Variants in PRKG1 observed in about 807,000 individuals in gnomAD.
PRKG1 encodes the protein protein kinase cGMP-dependent 1.
In PRKG1, 35 loss-of-function variants were observed where a neutral mutation model predicts 88.1. That is an observed-to-expected ratio of 0.40 (90% CI 0.30 to 0.53). The LOEUF is 0.53. Among genes scored for constraint, PRKG1 ranks in the 20% least tolerant of loss-of-function variants. The pLI is 0.59. For missense variants in PRKG1, 540 were observed against 839.8 expected (o/e 0.64, Z 4.41); for synonymous variants, 303 against 292.5 (o/e 1.04, Z -0.37).
At chr10:51,181,312 G>A (rs1837338728) in intron 2 of PRKG1, among the ~76,000 whole-genome samples, 1 of 138,014 alleles carries the variant, frequency 7.2e-6, no homozygotes. Flanking sequence ...CGCAATCTCG[G>A]CTCACTGCAA....
At chr10:51,603,431 G>A (rs1838669577) in intron 3 of PRKG1, among the ~76,000 whole-genome samples, 1 of 152,168 alleles carries the variant, frequency 6.6e-6, no homozygotes, top group Non-Finnish European at 1.5e-5. Flanking sequence ...AAGAACCAAG[G>A]AAGAAGGAAT....
At chr10:51,199,495 G>A (rs1904672) in intron 2 of PRKG1, among the ~76,000 whole-genome samples, 5,285 of 152,198 alleles carry the variant, frequency 0.035, 300 homozygotes, top group African/African-American at 0.12. Flanking sequence ...GAGTGTGGCC[G>A]ATTTCTTCTC....
chr10:51,405,839 G>A (rs58646770), intron 2 of PRKG1, among the ~76,000 whole-genome samples: 2,976 of 152,304 alleles, frequency 0.02, 73 homozygotes, highest in Middle Eastern at 0.058. Context: ...TGCATAAGCC[G>A]TAGGGAGATA....
At position 51,606,725 on chromosome 10, in the gene PRKG1, C is replaced by T. The variant is rs182109172; in HGVS notation, c.592+138889C>T. On this transcript the variant is annotated intron_variant, in intron 3 of 17. Transcript: ENST00000373980. ...GGAGATGTTTTATTTTGGTAAAGCG[C>T]GTCTTCTATCATCATTTCTTAAATG... Among the ~76,000 whole-genome samples, 24 of 152,218 alleles carry T rather than the reference C, an allele frequency of 1.6e-4. No individual in the cohort carries two copies. In the South Asian group the frequency reaches 1.9e-3, roughly 12 times the overall value.
chr10:51,032,081 A>C (rs552896550), intron 1 of PRKG1, among the ~76,000 whole-genome samples: 1 of 152,296 alleles, frequency 6.6e-6, no homozygotes, highest in South Asian at 2.1e-4. Flanking sequence ...TTTCTTGGGA[A>C]ATCTTCCAGC....
At chr10:51,268,360 G>A (rs1285916365) in intron 2 of PRKG1, among the ~76,000 whole-genome samples, 2 of 152,096 alleles carry the variant, frequency 1.3e-5, no homozygotes, top group Non-Finnish European at 2.9e-5. Flanking sequence ...TAATAAGCCT[G>A]GGAGTGCTAT....
intron 3 of PRKG1, among the ~76,000 whole-genome samples, chr10:51,751,093 C>T (rs1006336721): frequency 6.6e-6 from 1 of 152,080 alleles, no homozygotes; most frequent in African/African-American, 2.4e-5. Context: ...TGTCCTTTTC[C>T]CTCCCCAACC....
chr10:51,388,519 A>G (rs1407507499), intron 2 of PRKG1, among the ~76,000 whole-genome samples: 1 of 152,210 alleles, frequency 6.6e-6, no homozygotes, highest in African/African-American at 2.4e-5. Context: ...CAAAGGCCCT[A>G]TGAATATGAG....
At chr10:50,999,246 G>A (rs1360688362) in intron 1 of PRKG1, among the ~76,000 whole-genome samples, 1 of 152,092 alleles carries the variant, frequency 6.6e-6, no homozygotes, top group Non-Finnish European at 1.5e-5. Flanking sequence ...TGTTATTCAA[G>A]GATTTGATTT....
At chr10:52,116,385 C>G (rs1847688088) in intron 7 of PRKG1, among the ~76,000 whole-genome samples, 1 of 152,034 alleles carries the variant, frequency 6.6e-6, no homozygotes, top group Non-Finnish European at 1.5e-5. Flanking sequence ...TCTAGCAACC[C>G]TACTCTATTA....
chr10:51,736,815 T>C (rs2079861826), intron 3 of PRKG1, among the ~76,000 whole-genome samples: 1 of 151,816 alleles, frequency 6.6e-6, no homozygotes, highest in South Asian at 2.1e-4. Context: ...TTTTTTTTTT[T>C]TGTAGAGAAG....
chr10:52,180,702 G>C (rs954717204), intron 9 of PRKG1, among the ~76,000 whole-genome samples: 1 of 152,160 alleles, frequency 6.6e-6, no homozygotes, highest in Non-Finnish European at 1.5e-5. Context: ...TTGTGTTGTT[G>C]GTGGTGTAAC....
intron 5 of PRKG1, among the ~76,000 whole-genome samples, chr10:52,043,686 TG>T (rs1191610621): frequency 6.6e-6 from 1 of 152,032 alleles, no homozygotes. Context: ...AAAGAGGATT[TG>T]CATGTTGTCA....
chr10:51,555,582 T>C (rs1195402111), intron 3 of PRKG1, among the ~76,000 whole-genome samples: 2 of 151,998 alleles, frequency 1.3e-5, no homozygotes, highest in African/African-American at 4.8e-5. Context: ...TATCGGGTTT[T>C]ACACACTAAA....
intron 3 of PRKG1, among the ~76,000 whole-genome samples, chr10:51,662,970 C>T (rs1367112799): frequency 3.9e-5 from 6 of 151,962 alleles, no homozygotes; most frequent in Admixed American, 6.6e-5. Context: ...GCTCTACTAG[C>T]GAGTTCGGCT....
intron 1 of PRKG1, among the ~76,000 whole-genome samples, chr10:51,025,473 G>A (rs917562296): frequency 6.6e-6 from 1 of 152,142 alleles, no homozygotes; most frequent in African/African-American, 2.4e-5. Flanking sequence ...GACACTTGTT[G>A]AGATTCCCCT....
chr10:51,362,882 G>C (rs1035474431), intron 2 of PRKG1, among the ~76,000 whole-genome samples: 3 of 151,794 alleles, frequency 2.0e-5, no homozygotes, highest in Admixed American at 2.0e-4. Flanking sequence ...TGTGGTGTTT[G>C]GTTTTCTGTT....
At position 51,900,620 on chromosome 10, in the gene PRKG1, T is replaced by A. The variant is rs193268284; in HGVS notation, c.699-6887T>A. ...TCAAGTATTAGAAAGCTTTTATGCT[T>A]ACAGTGGCAGATAAAAGTTTTCTGA... On this transcript the variant is annotated intron_variant, in intron 4 of 17. Transcript: ENST00000373980. Among the ~76,000 whole-genome samples, 316 of 152,330 alleles carry A rather than the reference T, an allele frequency of 2.1e-3. 1 individual carries two copies. Among genetic ancestry groups the A allele is most frequent in the Non-Finnish European group, 3.4e-3 (231 of 68,030 alleles).
At chr10:51,772,838 G>T (rs111658470) in intron 3 of PRKG1, among the ~76,000 whole-genome samples, 1 of 152,022 alleles carries the variant, frequency 6.6e-6, no homozygotes, top group East Asian at 1.9e-4. Context: ...AATGGAGATT[G>T]ATGGCTAAAA....
Sources: gnomAD v4.1 joint callset for allele counts (sites outside exome capture counted in the v4.1 genomes callset) on GRCh38, gnomAD v4.1.1 for gene constraint, MANE v1.5 for transcripts, NCBI Gene and HGNC (gene_info 2026-07-23, HGNC 2026-07-21) for gene names.